The following SIRPB2 variants were observed in gnomAD, a reference collection of about 807,000 sequenced individuals.
SIRPB2 encodes signal regulatory protein beta 2.
In SIRPB2, 18 loss-of-function variants were observed where a neutral mutation model predicts 27.1. That is an observed-to-expected ratio of 0.66 (90% CI 0.46 to 0.98). SIRPB2 has a LOEUF of 0.98. Ranked by LOEUF, SIRPB2 falls within the 50% of genes least tolerant of loss-of-function variation. The pLI is 0.00. For synonymous variants in SIRPB2, 150 were observed against 164.6 expected, an observed-to-expected ratio of 0.91 and a Z score of 0.68; for missense variants, 420 against 417.4, an observed-to-expected ratio of 1.01 and a Z score of -0.06.
chr20:1,476,454 T>G, intron 4 of SIRPB2, 118 bp from the exon 5 acceptor site: 1 of 1,084,994 alleles, frequency 9.2e-7, no homozygotes, highest in Non-Finnish European at 1.3e-6. Context: ...TGGAGCTGTA[T>G]CCTTTCTACA....
At chr20:1,490,402 A>G (rs2090766471) in intron 1 of SIRPB2, among the ~76,000 whole-genome samples, 1 of 152,146 alleles carries the variant, frequency 6.6e-6, no homozygotes, top group Non-Finnish European at 1.5e-5. Context: ...TGGGCAGGAG[A>G]TGGAATGAGC....
chr20:1,480,606 C>T (rs1308111999), intron 1 of SIRPB2, among the ~76,000 whole-genome samples: 2 of 152,164 alleles, frequency 1.3e-5, no homozygotes, highest in Admixed American at 6.5e-5. Flanking sequence ...TAAACATACG[C>T]ATGCAGGGGG....
Position 1,479,766 on chromosome 20 carries a change from T to C in SIRPB2, c.385A>G (p.Arg129Gly). Residue 129 changes from arginine to glycine, a missense_variant, in exon 2 of 5, where the codon AGG becomes GGG. Arg to Gly is a moderately radical substitution (Grantham distance 125). Coordinates refer to ENST00000359801, the MANE Select transcript of SIRPB2 (RefSeq NM_001122962.2). ...REHTGTYHCVRFDGLSEHSEM... is the reference protein window; with the variant it reads ...REHTGTYHCVGFDGLSEHSEM... ...GAGTGTTCACTCAAACCATCAAACC[T>C]CACACAGTGGTAGGTTCCAGTGTGC... is the stretch of plus-strand genomic sequence containing the variant. The C allele has an allele frequency of 6.2e-7, 1 of 1,614,140 alleles. No homozygotes were observed. Among genetic ancestry groups the C allele is most frequent in the Non-Finnish European group, 8.5e-7 (1 of 1,180,018 alleles).
intron 2 of SIRPB2, 189 bp downstream of exon 2, chr20:1,479,511 C>T (rs1332568614): frequency 4.6e-6 from 4 of 878,232 alleles, no homozygotes; most frequent in Non-Finnish European, 7.0e-6. Flanking sequence ...CCTCTCCAGC[C>T]TGGGCTCTGG....
chr20:1,485,549 T>C (rs1175471960), intron 1 of SIRPB2, among the ~76,000 whole-genome samples: 1 of 149,582 alleles, frequency 6.7e-6, no homozygotes, highest in African/African-American at 2.5e-5. Context: ...CTTAAGAAAC[T>C]AGAAAAAAAG....
In SIRPB2 at chr20:1,476,281, A is replaced by C. The variant is rs768894193; in HGVS notation, c.915T>G (p.Ala305=). The change falls in exon 5 of 5, where the codon GCT becomes GCG. Residue 305 remains alanine, a synonymous_variant. Transcript: ENST00000359801. Reference sequence around the variant, plus strand: ...AGGTAGCCAGGGCCAGTAGGAGTGCAGCCAAGGTAATTGCCTTCAGCCCCA... The same window carrying C: ...AGGTAGCCAGGGCCAGTAGGAGTGCCGCCAAGGTAATTGCCTTCAGCCCCA... ...VVLGLKAITL[A]ALLLALATSR... 6.2e-7 allele frequency: 1 copy of C among 1,613,912 alleles called. No homozygotes were observed. The highest frequency in any genetic ancestry group is 8.5e-7 in the Non-Finnish European group (1 of 1,179,952).
chr20:1,491,205 G>A (rs750910920), intron 1 of SIRPB2, 70 bp downstream of exon 1: 8 of 1,380,820 alleles, frequency 5.8e-6, no homozygotes, highest in East Asian at 2.5e-5. Context: ...AGGCATGGCA[G>A]AGCACTTAGT....
intron 4 of SIRPB2, 192 bp downstream of exon 4, chr20:1,477,146 T>A: frequency 6.5e-7 from 1 of 1,548,286 alleles, no homozygotes; most frequent in Non-Finnish European, 8.7e-7. Flanking sequence ...TATGAGAAAG[T>A]TCGTTATAGC....
chr20:1,473,534 A>G (rs2090588915), downstream of SIRPB2, among the ~76,000 whole-genome samples: 1 of 152,240 alleles, frequency 6.6e-6, no homozygotes, highest in African/African-American at 2.4e-5. Context: ...AGTACTATGA[A>G]GAAAACTTAA....
downstream of SIRPB2, chr20:1,473,732 G>GAA: frequency 1.4e-5 from 6 of 417,488 alleles, no homozygotes; most frequent in South Asian, 9.9e-5. Context: ...GGGGTGGCAG[G>GAA]GACCAGCTCA....
At chr20:1,480,270 A>C in intron 1 of SIRPB2, 1 of 616,966 alleles carries the variant, frequency 1.6e-6, no homozygotes, top group Non-Finnish European at 2.7e-6. Context: ...ACCTACAAAC[A>C]ATAAATAACA....
At position 1,476,027 on chromosome 20, in the gene SIRPB2, G is replaced by T; in HGVS notation, c.*140C>A. 1 of 930,284 alleles carries T rather than the reference G, an allele frequency of 1.1e-6. No individual in the cohort carries two copies. The highest frequency in any genetic ancestry group is 1.6e-6 in the Non-Finnish European group (1 of 616,884). The allele number at this position is 930,284 out of a possible 1,614,324, so 57.6% of individuals were successfully genotyped here. A position where few individuals can be genotyped will look rare whatever the true frequency, so the allele number is the denominator to read the frequency against. On this transcript the variant is annotated 3_prime_UTR_variant, in exon 5 of 5. Coordinates refer to ENST00000359801, the MANE Select transcript of SIRPB2 (RefSeq NM_001122962.2). ...TGCAAAGAAGGGAATTTCACTAGGT[G>T]GACCAAAACCAGATGTAGGGATCTA...
At chr20:1,471,562 G>A (rs867413535), downstream of SIRPB2, among the ~76,000 whole-genome samples, 21 of 152,348 alleles carry the variant, frequency 1.4e-4, no homozygotes, top group Middle Eastern at 3.4e-3. Flanking sequence ...CATTTAGATA[G>A]AATTTAGAAA....
At chr20:1,484,007 G>GACCAATGTATATATGTATACCATGGTAT (rs2090699923) in intron 1 of SIRPB2, among the ~76,000 whole-genome samples, 1 of 152,122 alleles carries the variant, frequency 6.6e-6, no homozygotes, top group South Asian at 2.1e-4. Flanking sequence ...AGAATACATA[G>GACCAATGTATATATGTATACCATGGTAT]ACCAATGGTA....
At chr20:1,480,232 G>A in intron 1 of SIRPB2, 167 bp from the exon 2 acceptor site, 1 of 889,640 alleles carries the variant, frequency 1.1e-6, no homozygotes, top group Admixed American at 2.9e-5. Flanking sequence ...GCTGGCTGCA[G>A]AGAGAGAACT....
intron 1 of SIRPB2, among the ~76,000 whole-genome samples, chr20:1,482,769 AT>A (rs151295421): frequency 2.8e-4 from 42 of 150,390 alleles, no homozygotes; most frequent in East Asian, 7.8e-4. Flanking sequence ...TGATTTCATT[AT>A]TTTTTTTTCA....
In SIRPB2 at chr20:1,475,955, TGAACAGGCCAAAAA is replaced by T; in HGVS notation, c.*198_*211del. 1.8e-6 allele frequency: 1 copy of T among 546,416 alleles called. No homozygotes were observed. The highest frequency in any genetic ancestry group is 3.2e-6 in the Non-Finnish European group (1 of 314,112). 33.8% of individuals were successfully genotyped at this position (546,416 alleles called of 1,614,324 possible). ...CAGGGACTGAAAAGCAAGGAGGTCT[TGAACAGGCCAAAAA>T]GAGAAAGGGAGACATTTTAGAGGGA... On this transcript the variant is annotated 3_prime_UTR_variant, in exon 5 of 5. Transcript: ENST00000359801.
intron 2 of SIRPB2, chr20:1,479,453 T>C (rs2090643852): frequency 1.8e-6 from 1 of 564,230 alleles, no homozygotes; most frequent in Non-Finnish European, 3.1e-6. Flanking sequence ...GGGACTGGGC[T>C]TCTGCTTCTG....
At chr20:1,485,016 T>G (rs77101121) in intron 1 of SIRPB2, among the ~76,000 whole-genome samples, 1,620 of 152,236 alleles carry the variant, frequency 0.011, 32 homozygotes, top group African/African-American at 0.038. Context: ...ATGTTTTCAC[T>G]CATACGTGGA....
Sources: allele counts gnomAD v4.1 joint callset (sites outside exome capture counted in the v4.1 genomes callset), GRCh38; gene constraint gnomAD v4.1.1; transcripts MANE v1.5; gene names NCBI Gene and HGNC (gene_info 2026-07-23, HGNC 2026-07-21).